The following ADGRE2 variants were observed in gnomAD, a reference collection of about 807,000 sequenced individuals.
ADGRE2 encodes adhesion G protein-coupled receptor E2.
A neutral mutation model predicts 100.8 loss-of-function variants in ADGRE2; 83 were observed. The ratio of observed to expected loss-of-function variants is 0.82; its 90% CI spans 0.69 to 0.99. The LOEUF (loss-of-function observed/expected upper bound fraction) is 0.99. ADGRE2 is among the 50% of genes least tolerant of loss of function. ADGRE2 has a pLI of 0.00. For synonymous variants in ADGRE2, 355 were observed against 413.0 expected (o/e 0.86, Z 1.70); for missense variants, 814 against 1,035.7 (o/e 0.79, Z 2.94).
At position 14,745,708 on chromosome 19, in the gene ADGRE2, G is replaced by A. The variant is rs112070271; in HGVS notation, c.2183+524C>T. ...CAACCTCCGCCTCCTGGGTTCAAGC[G>A]GTTCTCCTGCCTCAGCCTCCCGAGT... On this transcript the variant is annotated intron_variant, in intron 18 of 20. Transcript: ENST00000315576. Among the ~76,000 whole-genome samples the A allele has an allele frequency of 4.3e-3, 649 of 151,876 alleles. 2 individuals are homozygous for A. Among genetic ancestry groups the A allele is most frequent in the Middle Eastern group, 0.01 (3 of 292 alleles).
At chr19:14,771,628 A>ATTTAT (rs1213713634) in intron 5 of ADGRE2, among the ~76,000 whole-genome samples, 1 of 134,508 alleles carries the variant, frequency 7.4e-6, no homozygotes, top group Non-Finnish European at 1.5e-5. Context: ...TTGCTTATTT[A>ATTTAT]TTTATTTATT....
chr19:14,759,111 G>A (rs551426987), intron 11 of ADGRE2, among the ~76,000 whole-genome samples: 5 of 152,250 alleles, frequency 3.3e-5, no homozygotes, highest in East Asian at 1.9e-4. Context: ...TATGCAAATG[G>A]ATTCTCTACC....
At chr19:14,767,278 ACCCAGGCTGG>A (rs984850653) in intron 5 of ADGRE2, among the ~76,000 whole-genome samples, 169 bp from the exon 6 acceptor site, 2 of 147,242 alleles carry the variant, frequency 1.4e-5, no homozygotes, top group African/African-American at 5.1e-5. Context: ...TTGCTCTGTC[ACCCAGGCTGG>A]AGTGCAATTG....
chr19:14,760,504 A>G (rs2043677499), intron 11 of ADGRE2, among the ~76,000 whole-genome samples: 1 of 152,136 alleles, frequency 6.6e-6, no homozygotes, highest in African/African-American at 2.4e-5. Flanking sequence ...GAATTACCAT[A>G]TCACCCAGCA....
chr19:14,746,895 C>T lies in ADGRE2; in HGVS notation c.2091+1G>A. On this transcript the variant is annotated splice_donor_variant, in intron 17 of 20. Coordinates refer to ENST00000315576, the MANE Select transcript of ADGRE2 (RefSeq NM_013447.4). LOFTEE classifies it high-confidence loss of function. ...GAGGATGCTCAGATGATGTCACTCACAGAGAAGATGGCGCAGACAGGTCCA... is the reference window on the plus strand; with the variant it reads ...GAGGATGCTCAGATGATGTCACTCATAGAGAAGATGGCGCAGACAGGTCCA... 1.2e-6 allele frequency: 2 copies of T among 1,613,640 alleles called. No individual in the cohort carries two copies. Among genetic ancestry groups the T allele is most frequent in the East Asian group, 2.2e-5 (1 of 44,872 alleles).
At chr19:14,749,488 T>TTA (rs1419972796) in intron 16 of ADGRE2, among the ~76,000 whole-genome samples, 41 of 80,816 alleles carry the variant, frequency 5.1e-4, no homozygotes, top group African/African-American at 1.2e-3. Context: ...ATATAATTAT[T>TTA]TAGTTATGTA....
intron 2 of ADGRE2, among the ~76,000 whole-genome samples, chr19:14,775,392 C>T (rs1437436249): frequency 3.9e-5 from 6 of 152,094 alleles, no homozygotes; most frequent in South Asian, 2.1e-4. Context: ...TGGCCTCAAG[C>T]GATCCTCCTG....
At chr19:14,746,790 CCATGA>C (rs145663107) in intron 17 of ADGRE2, 101 bp downstream of exon 17, 70,079 of 1,096,548 alleles carry the variant, frequency 0.064, 2,503 homozygotes, top group Middle Eastern at 0.093. Context: ...CTAACCCAAC[CCATGA>C]CAACCCAGGG....
chr19:14,756,097 C>T (rs1377452160), intron 12 of ADGRE2, 141 bp downstream of exon 12: 2 of 774,782 alleles, frequency 2.6e-6, no homozygotes, highest in Middle Eastern at 2.3e-4. Context: ...TCCGTTCCTC[C>T]TCAGCTGGAC....
At chr19:14,776,585 G>T (rs2044449024) in intron 2 of ADGRE2, 141 bp downstream of exon 2, 7 of 986,378 alleles carry the variant, frequency 7.1e-6, no homozygotes, top group Non-Finnish European at 1.1e-5. Context: ...CCGTGTGCCC[G>T]TGAGTGCCTG....
chr19:14,758,802 G>T (rs1453887601), intron 11 of ADGRE2, among the ~76,000 whole-genome samples: 2 of 151,192 alleles, frequency 1.3e-5, no homozygotes, highest in Non-Finnish European at 2.9e-5. Flanking sequence ...GGAGAATGGC[G>T]TGACCCCGGG....
At chr19:14,778,108 C>T (rs1463394304) in intron 1 of ADGRE2, 149 bp downstream of exon 1, 1 of 152,202 alleles carries the variant, frequency 6.6e-6, no homozygotes, top group Non-Finnish European at 1.5e-5. Flanking sequence ...TACATTCCCA[C>T]CAACAGTGTA....
chr19:14,737,671 A>G (rs941543999), intron 20 of ADGRE2, among the ~76,000 whole-genome samples: 1 of 152,092 alleles, frequency 6.6e-6, no homozygotes, highest in Non-Finnish European at 1.5e-5. Context: ...GCAGTAAAGT[A>G]TCTATCTGGG....
intron 11 of ADGRE2, among the ~76,000 whole-genome samples, chr19:14,761,320 C>T (rs1041022014): frequency 2.6e-5 from 4 of 152,084 alleles, no homozygotes; most frequent in African/African-American, 7.2e-5. Context: ...GCAGGAGAAT[C>T]GCTTGAACCC....
At chr19:14,765,246 C>G in intron 10 of ADGRE2, 74 bp downstream of exon 10, 1 of 1,557,298 alleles carries the variant, frequency 6.4e-7, no homozygotes, top group Non-Finnish European at 8.8e-7. Context: ...CCTCCCAGAC[C>G]CAAACTGCCC....
At chr19:14,763,841 C>T (rs1202212410) in intron 11 of ADGRE2, among the ~76,000 whole-genome samples, 1 of 112,164 alleles carries the variant, frequency 8.9e-6, no homozygotes, top group Non-Finnish European at 2.0e-5. Context: ...CTCCTTCTCT[C>T]CTCCTCCTCT....
At chr19:14,768,250 T>C (rs1404568148) in intron 5 of ADGRE2, among the ~76,000 whole-genome samples, 1 of 152,180 alleles carries the variant, frequency 6.6e-6, no homozygotes, top group Non-Finnish European at 1.5e-5. Context: ...ATGAGTCTGG[T>C]GCTGCATAGG....
intron 18 of ADGRE2, 151 bp from the exon 19 acceptor site, chr19:14,743,935 C>T (rs1230806551): frequency 7.8e-6 from 6 of 772,312 alleles, no homozygotes; most frequent in Non-Finnish European, 2.0e-6. Flanking sequence ...TCAACTATAG[C>T]CCACAGTAGA....
chr19:14,761,236 T>C (rs917230974), intron 11 of ADGRE2, among the ~76,000 whole-genome samples: 14 of 152,164 alleles, frequency 9.2e-5, no homozygotes, highest in Admixed American at 7.2e-4. Context: ...ACCCTGTCTT[T>C]ACTGAAAACA....
Sources: gnomAD v4.1 joint callset for allele counts (sites outside exome capture counted in the v4.1 genomes callset) on GRCh38, gnomAD v4.1.1 for gene constraint, MANE v1.5 for transcripts, NCBI Gene and HGNC (gene_info 2026-07-23, HGNC 2026-07-21) for gene names.